Variants in MAGI2 observed in about 807,000 individuals in gnomAD.
MAGI2 encodes the protein membrane associated guanylate kinase, WW and PDZ domain containing 2.
A neutral mutation model predicts 133.3 loss-of-function variants in MAGI2; 35 were observed. That is an observed-to-expected ratio of 0.26 (90% CI 0.20 to 0.35). The LOEUF is 0.35. Ranked by LOEUF, MAGI2 falls within the 10% of genes least tolerant of loss-of-function variation. The pLI is 1.00. For missense variants in MAGI2, 1,636 were observed against 1,863.4 expected (o/e 0.88, Z 2.25); for synonymous variants, 729 against 710.6 (o/e 1.03, Z -0.41).
intron 3 of MAGI2, among the ~76,000 whole-genome samples, chr7:78,568,577 T>C (rs542838883): frequency 4.6e-5 from 7 of 152,340 alleles, no homozygotes; most frequent in African/African-American, 1.4e-4. Context: ...TCTGTCATTG[T>C]ATTTTTAAAA....
At chr7:78,653,842 A>G (rs1563302039) in intron 2 of MAGI2, among the ~76,000 whole-genome samples, 1 of 151,746 alleles carries the variant, frequency 6.6e-6, no homozygotes, top group Non-Finnish European at 1.5e-5. Context: ...TTCCCATACC[A>G]CTTGTCCATC....
At chr7:78,913,176 G>A (rs1177320575) in intron 2 of MAGI2, among the ~76,000 whole-genome samples, 1 of 152,062 alleles carries the variant, frequency 6.6e-6, no homozygotes, top group Non-Finnish European at 1.5e-5. Flanking sequence ...TTGGCTCTGT[G>A]TCCCTGTCCA....
chr7:78,915,303 T>A (rs930928180), intron 2 of MAGI2, among the ~76,000 whole-genome samples: 1 of 152,144 alleles, frequency 6.6e-6, no homozygotes, highest in Non-Finnish European at 1.5e-5. Flanking sequence ...TTTTTGCAAA[T>A]ATACTGGCAA....
intron 1 of MAGI2, among the ~76,000 whole-genome samples, chr7:79,091,554 T>C (rs576895587): frequency 5.9e-5 from 9 of 152,236 alleles, no homozygotes; most frequent in African/African-American, 1.7e-4. Flanking sequence ...CTAGATTTAA[T>C]AGGTTAAATA....
intron 2 of MAGI2, among the ~76,000 whole-genome samples, chr7:78,849,073 C>T (rs1234326964): frequency 6.6e-6 from 1 of 151,962 alleles, no homozygotes; most frequent in Non-Finnish European, 1.5e-5. Flanking sequence ...ATTTATTTCA[C>T]CTTAAGGATT....
At chr7:79,171,664 A>G (rs1825559491) in intron 1 of MAGI2, among the ~76,000 whole-genome samples, 1 of 147,174 alleles carries the variant, frequency 6.8e-6, no homozygotes, top group Non-Finnish European at 1.5e-5. Context: ...TGATACTTTC[A>G]TTCAATAAAA....
At chr7:79,007,010 C>T in intron 2 of MAGI2, 80 bp downstream of exon 2, 2 of 1,064,802 alleles carry the variant, frequency 1.9e-6, no homozygotes, top group Non-Finnish European at 2.7e-6. Context: ...AGTGCAATTT[C>T]ACTTTCTTTT....
chr7:79,104,115 G>A (rs559914590), intron 1 of MAGI2, among the ~76,000 whole-genome samples: 2 of 152,242 alleles, frequency 1.3e-5, no homozygotes, highest in African/African-American at 4.8e-5. Flanking sequence ...AGTGAACAAA[G>A]GGATTTTTTT....
At chr7:78,239,774 G>A (rs766257766) in intron 10 of MAGI2, among the ~76,000 whole-genome samples, 2 of 152,212 alleles carry the variant, frequency 1.3e-5, no homozygotes, top group Admixed American at 6.5e-5. Context: ...TGGAGAGGAT[G>A]TGGAGAAAAG....
At chr7:78,252,239 T>C (rs1792471043) in intron 10 of MAGI2, 1 of 151,600 alleles carries the variant, frequency 6.6e-6, no homozygotes, top group African/African-American at 2.4e-5. Context: ...CAGAAAAAGT[T>C]GGAGGACTAA....
intron 1 of MAGI2, among the ~76,000 whole-genome samples, chr7:79,018,730 A>C (rs1427956249): frequency 6.6e-6 from 1 of 152,224 alleles, no homozygotes; most frequent in Non-Finnish European, 1.5e-5. Flanking sequence ...CAAACAGAAA[A>C]AAGCAGAGGT....
chr7:78,707,095 G>C (rs2151165777), intron 2 of MAGI2, among the ~76,000 whole-genome samples: 1 of 152,084 alleles, frequency 6.6e-6, no homozygotes, highest in East Asian at 1.9e-4. Context: ...AATGCAGCTG[G>C]GTTTACCTCA....
chr7:79,391,508 C>CATATATATATATATATATATATAGACAT (rs1844614676), intron 1 of MAGI2, among the ~76,000 whole-genome samples: 6 of 69,206 alleles, frequency 8.7e-5, no homozygotes, highest in Non-Finnish European at 1.5e-4. Flanking sequence ...TATATATAGA[C>CATATATATATATATATATATATAGACAT]ATATATATAT....
At chr7:78,606,703 G>A (rs946322634) in intron 3 of MAGI2, among the ~76,000 whole-genome samples, 2 of 152,114 alleles carry the variant, frequency 1.3e-5, no homozygotes, top group African/African-American at 2.4e-5. Context: ...CAAAGAATCA[G>A]GTTTATAGTG....
chr7:79,345,134 GA>G (rs1371196518), intron 1 of MAGI2, among the ~76,000 whole-genome samples: 1 of 151,866 alleles, frequency 6.6e-6, no homozygotes, highest in Non-Finnish European at 1.5e-5. Context: ...TGGGAAACAG[GA>G]TCACTGCAGA....
At chr7:79,159,365 A>T (rs1824124745) in intron 1 of MAGI2, among the ~76,000 whole-genome samples, 1 of 151,894 alleles carries the variant, frequency 6.6e-6, no homozygotes, top group Admixed American at 6.6e-5. Flanking sequence ...AATACAAAAA[A>T]AATTAGCCTG....
At chr7:78,953,791 G>A (rs1802063363) in intron 2 of MAGI2, among the ~76,000 whole-genome samples, 1 of 152,040 alleles carries the variant, frequency 6.6e-6, no homozygotes, top group Non-Finnish European at 1.5e-5. Context: ...TGCAATCAGT[G>A]CTCACTATAC....
chr7:78,529,668 G>GTTTATTT (rs1797279474), intron 3 of MAGI2, among the ~76,000 whole-genome samples: 1 of 57,382 alleles, frequency 1.7e-5, no homozygotes, highest in Non-Finnish European at 3.5e-5. Flanking sequence ...AAAGGAGATG[G>GTTTATTT]TTTTTTTTTT....
chr7:78,834,721 T>C (rs955034007), intron 2 of MAGI2, among the ~76,000 whole-genome samples: 1 of 152,198 alleles, frequency 6.6e-6, no homozygotes, highest in African/African-American at 2.4e-5. Flanking sequence ...CCCACCCAAA[T>C]TGCATATTGA....
Sources: allele counts gnomAD v4.1 joint callset (sites outside exome capture counted in the v4.1 genomes callset), GRCh38; gene constraint gnomAD v4.1.1; transcripts MANE v1.5; gene names NCBI Gene and HGNC (gene_info 2026-07-23, HGNC 2026-07-21).